Variants in FOXN3 observed in about 807,000 individuals in gnomAD.
The protein encoded by FOXN3 is forkhead box protein N3.
A neutral mutation model predicts 38.4 loss-of-function variants in FOXN3; 7 were observed. That is an observed-to-expected ratio of 0.18 (90% CI 0.10 to 0.34). The LOEUF (loss-of-function observed/expected upper bound fraction) is 0.34. FOXN3 is among the 10% of genes least tolerant of loss of function. The pLI, the probability that FOXN3 is intolerant of heterozygous loss-of-function variation, is 1.00. For synonymous variants in FOXN3, 230 were observed against 242.2 expected, an observed-to-expected ratio of 0.95 and a Z score of 0.47; for missense variants, 456 against 613.4, an observed-to-expected ratio of 0.74 and a Z score of 2.71.
chr14:89,456,384 T>G (rs543101638), intron 1 of FOXN3, among the ~76,000 whole-genome samples: 13 of 152,302 alleles, frequency 8.5e-5, no homozygotes, highest in Non-Finnish European at 1.5e-4. Context: ...CTGTCTCTCA[T>G]TATACCCCAT....
chr14:89,220,086 C>T (rs1426672949), intron 4 of FOXN3, among the ~76,000 whole-genome samples: 1 of 152,180 alleles, frequency 6.6e-6, no homozygotes, highest in Non-Finnish European at 1.5e-5. Context: ...TTGCAAGCCA[C>T]ACCTTCCTCC....
chr14:89,190,588 C>T lies in FOXN3; in HGVS notation c.746-9782G>A, dbSNP rs1322337959. ...GCAACTGGATGAGCTATCCCAAAGG[C>T]GACTTTCTTCCCAGTGGGATTTGAG... On this transcript the variant is annotated intron_variant, in intron 4 of 5. Transcript: ENST00000557258. 41 of 598,738 alleles carry T rather than the reference C, an allele frequency of 6.8e-5. No homozygotes were observed. The South Asian group carries it at 7.0e-4, about 10-fold the overall frequency. 37.1% of individuals were successfully genotyped at this position (598,738 alleles called of 1,614,324 possible). A position where few individuals can be genotyped will look rare whatever the true frequency, so the allele number is the denominator to read the frequency against.
Position 89,162,270 on chromosome 14 carries a change from A to G in FOXN3, c.*144T>C, listed in dbSNP as rs187523861. ...AGAAGAGGGGGCAAATTAAAACAAA[A>G]TAAAAGGAAAAGAAAAGAAAGAAAA... On this transcript the variant is annotated 3_prime_UTR_variant, in exon 6 of 6. Coordinates refer to ENST00000557258, the MANE Select transcript of FOXN3 (RefSeq NM_005197.4). The surrounding 1 kb of genome is among the most constrained non-coding windows in gnomAD (Gnocchi z 7.2). 1.4e-6 allele frequency: 1 copy of G among 695,050 alleles called. No homozygotes were observed. The highest frequency in any genetic ancestry group is 3.0e-5 in the East Asian group (1 of 33,848). 43.1% of individuals were successfully genotyped at this position (695,050 alleles called of 1,614,324 possible). A position where few individuals can be genotyped will look rare whatever the true frequency, so the allele number is the denominator to read the frequency against.
At chr14:89,201,823 C>T (rs1181253119) in intron 4 of FOXN3, among the ~76,000 whole-genome samples, 2 of 152,258 alleles carry the variant, frequency 1.3e-5, no homozygotes, top group African/African-American at 2.4e-5. Context: ...GCCACTTCCT[C>T]CTCTAGTAAA....
At chr14:89,428,762 C>G (rs1892097104) in intron 1 of FOXN3, among the ~76,000 whole-genome samples, 1 of 152,244 alleles carries the variant, frequency 6.6e-6, no homozygotes, top group Non-Finnish European at 1.5e-5. Context: ...CGCAGGGGTC[C>G]AAGCACCTGG....
intron 4 of FOXN3, among the ~76,000 whole-genome samples, chr14:89,254,453 A>G (rs1885555705): frequency 6.6e-6 from 1 of 152,160 alleles, no homozygotes; most frequent in African/African-American, 2.4e-5. Flanking sequence ...TCAGAACTGC[A>G]CGGCCAGACA....
chr14:89,401,668 G>A (rs1427218911), intron 2 of FOXN3: 1 of 455,814 alleles, frequency 2.2e-6, no homozygotes, highest in East Asian at 6.9e-5. Flanking sequence ...ACATGACTTG[G>A]CCTTCTAAAA....
At chr14:89,273,760 G>C (rs1322726621) in intron 4 of FOXN3, among the ~76,000 whole-genome samples, 1 of 152,230 alleles carries the variant, frequency 6.6e-6, no homozygotes, top group African/African-American at 2.4e-5. Flanking sequence ...GCAGCTAGCT[G>C]ACTCTATTAC....
At chr14:89,332,390 C>T (rs1459581462) in intron 3 of FOXN3, among the ~76,000 whole-genome samples, 1 of 152,104 alleles carries the variant, frequency 6.6e-6, no homozygotes, top group Non-Finnish European at 1.5e-5. Flanking sequence ...AGTCAGTTCC[C>T]ATATACCCTT....
At chr14:89,360,744 A>ACAT (rs1291944128) in intron 2 of FOXN3, among the ~76,000 whole-genome samples, 1 of 118,598 alleles carries the variant, frequency 8.4e-6, no homozygotes, top group Non-Finnish European at 1.7e-5. Context: ...CTCCAGCACC[A>ACAT]CCTCCACCAC....
intron 3 of FOXN3, among the ~76,000 whole-genome samples, chr14:89,288,708 CTCTCTCTCTCTCTCTCTATATATA>C (rs1886739811): frequency 5.6e-4 from 46 of 81,782 alleles, no homozygotes; most frequent in Non-Finnish European, 7.3e-4. Context: ...CTCTCTCTCT[CTCTCTCTCTCTCTCTCTATATATA>C]TATATATATA....
chr14:89,194,124 A>T (rs1003399930), intron 4 of FOXN3, among the ~76,000 whole-genome samples: 7 of 152,026 alleles, frequency 4.6e-5, no homozygotes, highest in African/African-American at 1.7e-4. Flanking sequence ...TTCTCAGTCC[A>T]TGGTTTACTA....
At chr14:89,529,192 G>A (rs950377273) in intron 1 of FOXN3, among the ~76,000 whole-genome samples, 26 of 152,062 alleles carry the variant, frequency 1.7e-4, no homozygotes, top group Admixed American at 4.6e-4. Flanking sequence ...ATACATAGGT[G>A]GTTCCTTCCT....
At chr14:89,580,162 T>C (rs963867212) in intron 1 of FOXN3, among the ~76,000 whole-genome samples, 1 of 152,188 alleles carries the variant, frequency 6.6e-6, no homozygotes, top group Non-Finnish European at 1.5e-5. Context: ...AGAGCAGTAA[T>C]TTTCCTCCTA....
chr14:89,400,633 G>A (rs1436684780), intron 2 of FOXN3, among the ~76,000 whole-genome samples: 3 of 152,042 alleles, frequency 2.0e-5, no homozygotes, highest in Non-Finnish European at 2.9e-5. Flanking sequence ...TCCCCTTCCT[G>A]TCCTTTAGAC....
chr14:89,241,520 AG>A (rs1885139719), intron 4 of FOXN3, among the ~76,000 whole-genome samples: 1 of 152,176 alleles, frequency 6.6e-6, no homozygotes, highest in African/African-American at 2.4e-5. Flanking sequence ...GTGTGACATC[AG>A]GTGATACACT....
At chr14:89,182,563 CACCT>C (rs1186684148) in intron 4 of FOXN3, among the ~76,000 whole-genome samples, 2 of 152,200 alleles carry the variant, frequency 1.3e-5, no homozygotes, top group Non-Finnish European at 2.9e-5. Flanking sequence ...GCTAACAGAC[CACCT>C]TATCTGAGGC....
chr14:89,428,925 G>A (rs1309171005), intron 1 of FOXN3, among the ~76,000 whole-genome samples: 1 of 152,210 alleles, frequency 6.6e-6, no homozygotes, highest in Non-Finnish European at 1.5e-5. Flanking sequence ...CCCAGGCCAG[G>A]TTCAATGGGA....
chr14:89,197,538 T>G (rs1888129415), intron 4 of FOXN3, among the ~76,000 whole-genome samples: 1 of 151,148 alleles, frequency 6.6e-6, no homozygotes, highest in Non-Finnish European at 1.5e-5. Flanking sequence ...CATGGTCAGA[T>G]ACATACACTA....
Sources: allele counts gnomAD v4.1 joint callset (sites outside exome capture counted in the v4.1 genomes callset), GRCh38; gene constraint gnomAD v4.1.1; non-coding constraint Gnocchi (gnomAD v3.1); transcripts MANE v1.5; gene names NCBI Gene and HGNC (gene_info 2026-07-23, HGNC 2026-07-21).